Variants in CAPS2 observed in about 807,000 individuals in gnomAD.
CAPS2 encodes calcyphosine 2, also known as calcyphosin-2.
CAPS2 carries 98 observed loss-of-function variants against 86.5 expected under a neutral mutation model. That is an observed-to-expected ratio of 1.13 (90% CI 0.96 to 1.34). The LOEUF (loss-of-function observed/expected upper bound fraction) is 1.34. CAPS2 is among the 40% of genes most tolerant of loss of function. CAPS2 has a pLI of 0.00. For missense variants in CAPS2, 729 were observed against 686.8 expected (o/e 1.06, Z -0.69); for synonymous variants, 210 against 225.1 (o/e 0.93, Z 0.60).
intron 7 of CAPS2, among the ~76,000 whole-genome samples, chr12:75,311,331 T>TCA (rs1432771842): frequency 2.6e-5 from 4 of 152,148 alleles, no homozygotes; most frequent in Non-Finnish European, 5.9e-5. Flanking sequence ...GTTGACAAGC[T>TCA]GGATATAGTA....
intron 1 of CAPS2, chr12:75,347,520 A>C (rs1392505260): frequency 8.0e-6 from 5 of 627,136 alleles, no homozygotes; most frequent in Non-Finnish European, 1.4e-5. Flanking sequence ...ATTTATGTAC[A>C]TTATTTTTTG....
intron 1 of CAPS2, chr12:75,343,990 T>G (rs1251938987): frequency 1.4e-6 from 2 of 1,438,714 alleles, no homozygotes; most frequent in African/African-American, 2.9e-5. Flanking sequence ...ATATTTTAAT[T>G]GCCAGAATTT....
At chr12:75,300,755 T>A (rs2037714703) in intron 8 of CAPS2, among the ~76,000 whole-genome samples, 1 of 151,404 alleles carries the variant, frequency 6.6e-6, no homozygotes, top group Non-Finnish European at 1.5e-5. Context: ...CACCATGAGA[T>A]CAATCCACCA....
chr12:75,282,990 C>G (rs1167459684), intron 15 of CAPS2, among the ~76,000 whole-genome samples: 1 of 152,130 alleles, frequency 6.6e-6, no homozygotes, highest in South Asian at 2.1e-4. Flanking sequence ...TAACTTCCAT[C>G]TCTAGGATTC....
At chr12:75,290,774 T>C (rs147137457) in intron 13 of CAPS2, among the ~76,000 whole-genome samples, 1 of 151,898 alleles carries the variant, frequency 6.6e-6, no homozygotes, top group East Asian at 1.9e-4. Context: ...AAAAAAGATT[T>C]AGCCGGGTGT....
At chr12:75,280,107 T>C (rs2033657582) in intron 16 of CAPS2, among the ~76,000 whole-genome samples, 2 of 152,080 alleles carry the variant, frequency 1.3e-5, no homozygotes, top group South Asian at 2.1e-4. Flanking sequence ...AAAACTATTA[T>C]ACAGAAATAC....
At chr12:75,292,657 CTATA>C (rs1760631702) in intron 12 of CAPS2, among the ~76,000 whole-genome samples, 1 of 143,088 alleles carries the variant, frequency 7.0e-6, no homozygotes, top group Non-Finnish European at 1.5e-5. Flanking sequence ...CATAATAGAT[CTATA>C]TATAATGTAA....
intron 1 of CAPS2, among the ~76,000 whole-genome samples, chr12:75,338,453 C>G (rs2041880007): frequency 6.6e-6 from 1 of 152,076 alleles, no homozygotes; most frequent in East Asian, 1.9e-4. Flanking sequence ...ATATGATCAT[C>G]TCAATAGAGT....
At chr12:75,285,839 T>A (rs960296563) in intron 14 of CAPS2, among the ~76,000 whole-genome samples, 1 of 152,008 alleles carries the variant, frequency 6.6e-6, no homozygotes, top group Admixed American at 6.6e-5. Context: ...TTATAACCAC[T>A]AATTATATTT....
At chr12:75,348,892 A>G (rs1174704666) in intron 1 of CAPS2, among the ~76,000 whole-genome samples, 1 of 152,180 alleles carries the variant, frequency 6.6e-6, no homozygotes, top group African/African-American at 2.4e-5. Context: ...CAACAAAAAA[A>G]AGTTAGCCCT....
intron 1 of CAPS2, among the ~76,000 whole-genome samples, chr12:75,383,848 A>T (rs1199652263): frequency 6.6e-6 from 1 of 152,190 alleles, no homozygotes; most frequent in Non-Finnish European, 1.5e-5. Flanking sequence ...CTAGTAATTG[A>T]ACTAGAAATC....
At chr12:75,370,953 G>GT (rs2044320136) in intron 1 of CAPS2, 1 of 152,182 alleles carries the variant, frequency 6.6e-6, no homozygotes, top group African/African-American at 2.4e-5. Context: ...TTATCTGGAT[G>GT]TTTTTCTTCT....
At chr12:75,283,976 T>C (rs930740511) in intron 15 of CAPS2, among the ~76,000 whole-genome samples, 1 of 152,180 alleles carries the variant, frequency 6.6e-6, no homozygotes, top group East Asian at 1.9e-4. Context: ...TCCAGAGCTA[T>C]GAGACAATAA....
chr12:75,299,987 AGTTAT>A, intron 8 of CAPS2, 76 bp from the exon 9 acceptor site: 1 of 583,884 alleles, frequency 1.7e-6, no homozygotes, highest in Non-Finnish European at 2.9e-6. Flanking sequence ...GTACAAAAAA[AGTTAT>A]GTTAATATTT....
At chr12:75,349,851 T>G (rs1035471286) in intron 1 of CAPS2, among the ~76,000 whole-genome samples, 1 of 152,188 alleles carries the variant, frequency 6.6e-6, no homozygotes. Flanking sequence ...TTATCCAAGA[T>G]AGAATCCATA....
At chr12:75,334,871 T>G (rs1302075566), upstream of CAPS2, 2 of 1,613,894 alleles carry the variant, frequency 1.2e-6, no homozygotes, top group Non-Finnish European at 1.7e-6. Context: ...CGTGGCAAAG[T>G]CAACCCTCCC....
chr12:75,321,920 T>C (rs2040343149), intron 4 of CAPS2, among the ~76,000 whole-genome samples: 1 of 152,150 alleles, frequency 6.6e-6, no homozygotes, highest in Non-Finnish European at 1.5e-5. Flanking sequence ...AGAACTTCAC[T>C]GTAAATCATT....
chr12:75,299,894 G>T, exon 9 of CAPS2: 1 of 1,486,692 alleles, frequency 6.7e-7, no homozygotes, highest in Non-Finnish European at 9.2e-7. Context: ...TTCAGTTAAT[G>T]TAGAATGAGT....
In CAPS2 at chr12:75,325,236, T is replaced by C; in HGVS notation, c.131+3A>G. On this transcript the variant is annotated splice_donor_region_variant and intron_variant, in intron 2 of 16. Coordinates refer to ENST00000393284, the Ensembl canonical transcript of CAPS2. ...AGTCCAAATGTGAAGAAACGTAACTTACACTGGTGGGCAAGAATTCTGGTT... is the reference window on the plus strand; with the variant it reads ...AGTCCAAATGTGAAGAAACGTAACTCACACTGGTGGGCAAGAATTCTGGTT... The C allele has an allele frequency of 1.3e-6, 2 of 1,549,244 alleles. No individual in the cohort carries two copies. The highest frequency in any genetic ancestry group is 1.7e-6 in the Non-Finnish European group (2 of 1,146,052).
Sources: allele counts gnomAD v4.1 joint callset (sites outside exome capture counted in the v4.1 genomes callset), GRCh38; gene constraint gnomAD v4.1.1; transcripts MANE v1.5; gene names NCBI Gene and HGNC (gene_info 2026-07-23, HGNC 2026-07-21).